TM9SF2: variants seen among roughly 807,000 people sequenced by gnomAD.
TM9SF2 encodes the protein 76 kDa membrane protein.
In TM9SF2, 13 loss-of-function variants were observed where a neutral mutation model predicts 84.9. The ratio of observed to expected loss-of-function variants is 0.15; its 90% CI spans 0.10 to 0.24. The LOEUF (loss-of-function observed/expected upper bound fraction) is 0.24, where lower values mean the gene tolerates loss of function less well. TM9SF2 is among the 10% of genes least tolerant of loss of function. The pLI, the probability that TM9SF2 is intolerant of heterozygous loss-of-function variation, is 1.00. For synonymous variants in TM9SF2, 273 were observed against 285.8 expected (o/e 0.96, Z 0.45); for missense variants, 562 against 818.5 (o/e 0.69, Z 3.82).
intron 1 of TM9SF2, among the ~76,000 whole-genome samples, chr13:99,508,785 C>A (rs1008373110): frequency 3.3e-5 from 5 of 152,146 alleles, no homozygotes; most frequent in Non-Finnish European, 7.3e-5. Context: ...ACTCACTCAC[C>A]ATCATGAGGG....
At chr13:99,512,457 A>T (rs1348455930) in intron 1 of TM9SF2, among the ~76,000 whole-genome samples, 1 of 152,216 alleles carries the variant, frequency 6.6e-6, no homozygotes, top group East Asian at 1.9e-4. Flanking sequence ...AATAAGGTAC[A>T]TTTAATGGGT....
intron 12 of TM9SF2, among the ~76,000 whole-genome samples, chr13:99,550,748 A>G (rs1394643546): frequency 3.3e-5 from 5 of 152,210 alleles, no homozygotes; most frequent in African/African-American, 9.6e-5. Context: ...ATGGCCTTTG[A>G]TAATATTGAG....
In TM9SF2 at chr13:99,520,086, G is replaced by A; in HGVS notation, c.290G>A (p.Gly97Asp). 6.2e-7 allele frequency: 1 copy of A among 1,613,938 alleles called. No homozygotes were observed. ...SEGKRPSENL[G>D]QVLFGERIEP... is the part of the protein sequence containing the mutation. ...GGAAAGCGCCCATCTGAAAATCTTGGTCAGGTACTATTCGGGGAAAGAATT... is the reference window on the plus strand; with the variant it reads ...GGAAAGCGCCCATCTGAAAATCTTGATCAGGTACTATTCGGGGAAAGAATT... Residue 97 changes from glycine (G) to aspartate (D), a missense_variant, in exon 3 of 17, where the codon GGT becomes GAT. Gly to Asp is a moderately conservative substitution (Grantham distance 94, BLOSUM62 -1). This residue lies in a region of TM9SF2 where 267 missense variants were observed against 316.7 expected (regional missense o/e 0.84). Coordinates refer to ENST00000376387, the MANE Select transcript of TM9SF2 (RefSeq NM_004800.3).
intron 3 of TM9SF2, among the ~76,000 whole-genome samples, chr13:99,521,462 C>T: frequency 6.6e-6 from 1 of 152,148 alleles, no homozygotes; most frequent in Middle Eastern, 3.2e-3. Context: ...TCCATAGCCA[C>T]CTTCCCTGCT....
chr13:99,511,861 G>A (rs2046114936), intron 1 of TM9SF2, among the ~76,000 whole-genome samples: 1 of 152,190 alleles, frequency 6.6e-6, no homozygotes. Context: ...AGTTACGGTA[G>A]CAACAGTTGA....
At chr13:99,542,263 C>T (rs17610629) in intron 9 of TM9SF2, among the ~76,000 whole-genome samples, 132 of 152,158 alleles carry the variant, frequency 8.7e-4, no homozygotes, top group African/African-American at 3.1e-3. Context: ...TGCACAGTTA[C>T]AACTCTGTAA....
At position 99,545,335 on chromosome 13, in the gene TM9SF2, C is replaced by CT. The variant is rs143295108; in HGVS notation, c.1150+1350dup. ...TCAGTTTGAAGACTGACTAGGATAT[C>CT]TTTTTTTTTTAATCTACTAACAACT... On this transcript the variant is annotated intron_variant, in intron 10 of 16. Transcript: ENST00000376387. Among the ~76,000 whole-genome samples, 570 of 148,514 alleles carry CT rather than the reference C, an allele frequency of 3.8e-3. 5 individuals carry two copies. Among genetic ancestry groups the CT allele is most frequent in the African/African-American group, 0.013 (533 of 40,568 alleles).
intron 12 of TM9SF2, among the ~76,000 whole-genome samples, chr13:99,550,154 A>G (rs1258679693): frequency 6.6e-6 from 1 of 152,048 alleles, no homozygotes; most frequent in Non-Finnish European, 1.5e-5. Context: ...CTCCCTTCTC[A>G]CATGTTCTGC....
Position 99,543,947 on chromosome 13 carries a change from T to C in TM9SF2, c.1102T>C (p.Phe368Leu), listed in dbSNP as rs769003585. The change falls in exon 10 of 17, where the codon TTT becomes CTT. Residue 368 changes from phenylalanine (F) to leucine (L), a missense_variant. Around this residue, in one of 4 missense-constraint regions of TM9SF2, gnomAD observed 219 missense variants for 338.1 expected, o/e 0.65. Transcript: ENST00000376387. ...AAGAAAAGGGATGCTGCTATCAGTC[T>C]TTCTAGGATCCGGGACACAGATTTT... ...PPRKGMLLSV[F>L]LGSGTQILIM... 3.7e-6 allele frequency: 6 copies of C among 1,614,186 alleles called. No homozygotes were observed. Among genetic ancestry groups the C allele is most frequent in the Non-Finnish European group, 5.1e-6 (6 of 1,180,022 alleles).
intron 1 of TM9SF2, among the ~76,000 whole-genome samples, chr13:99,506,058 T>C (rs2046087532): frequency 6.6e-6 from 1 of 152,204 alleles, no homozygotes. Context: ...AACAACTTTT[T>C]AATAAAAAGG....
chr13:99,501,909 C>A, intron 1 of TM9SF2, 132 bp downstream of exon 1: 1 of 1,275,644 alleles, frequency 7.8e-7, no homozygotes, highest in Non-Finnish European at 1.1e-6. Context: ...TCCCCAGAAG[C>A]TTTTGGGGTC....
chr13:99,514,086 G>A (rs1175440147), intron 1 of TM9SF2: 6 of 152,216 alleles, frequency 3.9e-5, no homozygotes, highest in African/African-American at 7.2e-5. Context: ...TTTGGTCAAC[G>A]ACAGACCAGT....
intron 16 of TM9SF2, among the ~76,000 whole-genome samples, chr13:99,562,304 T>C (rs1391043054): frequency 6.6e-6 from 1 of 152,246 alleles, no homozygotes; most frequent in Non-Finnish European, 1.5e-5. Context: ...CCCCATTTAA[T>C]CATTATTTGA....
intron 9 of TM9SF2, among the ~76,000 whole-genome samples, chr13:99,542,147 C>T (rs553013674): frequency 1.7e-4 from 21 of 125,368 alleles, no homozygotes; most frequent in African/African-American, 6.2e-4. Flanking sequence ...AAGACTCTGT[C>T]TCAAAAAAAA....
chr13:99,516,130 TCA>T (rs1477542821), intron 1 of TM9SF2, among the ~76,000 whole-genome samples: 1 of 152,168 alleles, frequency 6.6e-6, no homozygotes, highest in Non-Finnish European at 1.5e-5. Flanking sequence ...TTGACCACAG[TCA>T]CACAGTTAGA....
At chr13:99,545,825 A>G (rs1361855960) in intron 10 of TM9SF2, among the ~76,000 whole-genome samples, 1 of 152,114 alleles carries the variant, frequency 6.6e-6, no homozygotes, top group Non-Finnish European at 1.5e-5. Flanking sequence ...TCGGCCTCCC[A>G]AAGTGCTGGG....
intron 1 of TM9SF2, among the ~76,000 whole-genome samples, chr13:99,502,032 T>C (rs1363921389): frequency 1.3e-5 from 2 of 152,220 alleles, no homozygotes; most frequent in Non-Finnish European, 2.9e-5. Flanking sequence ...CACGAGCAGC[T>C]GTATTCAGTT....
rs751769313 is a variant in TM9SF2 at position 99,562,675 on chromosome 13, A to AT, written c.1925-10dup. The AT allele has an allele frequency of 1.9e-6, 3 of 1,609,494 alleles. No homozygotes were observed. Among genetic ancestry groups the AT allele is most frequent in the Admixed American group, 3.4e-5 (2 of 59,668 alleles). ...TTCCTTTGAAAAGGGGTTTATTTTTATTTTTTCTCTTATAGGAACAATTGG... is the reference window on the plus strand; with the variant it reads ...TTCCTTTGAAAAGGGGTTTATTTTTATTTTTTTCTCTTATAGGAACAATTGG... On this transcript the variant is annotated splice_polypyrimidine_tract_variant and intron_variant, in intron 16 of 16. Coordinates refer to ENST00000376387, the MANE Select transcript of TM9SF2 (RefSeq NM_004800.3).
At position 99,519,263 on chromosome 13, in the gene TM9SF2, G is replaced by C. The variant is rs565041928; in HGVS notation, c.240-773G>C. 1.1e-4 allele frequency among the ~76,000 whole-genome samples: 17 copies of C among 149,840 alleles called. No homozygotes were observed. In the South Asian group the frequency reaches 3.6e-3, roughly 32 times the overall value. ...TAGGAAAAGTCAGTGGATCTGTGGA[G>C]AATCTTCATTTGGGAACTTCCCAGC... On this transcript the variant is annotated intron_variant, in intron 2 of 16. Coordinates refer to ENST00000376387, the MANE Select transcript of TM9SF2 (RefSeq NM_004800.3).
Sources: gnomAD v4.1 joint callset for allele counts (sites outside exome capture counted in the v4.1 genomes callset) on GRCh38, gnomAD v4.1.1 for gene constraint, gnomAD v4.1.1 regional missense constraint, MANE v1.5 for transcripts, NCBI Gene and HGNC (gene_info 2026-07-23, HGNC 2026-07-21) for gene names.